CABLES1: variants seen among roughly 807,000 people sequenced by gnomAD.
CABLES1 encodes CDK5 and ABL1 enzyme substrate 1.
Under a neutral mutation model 57.8 loss-of-function variants are expected in CABLES1, and 36 were observed. The ratio of observed to expected loss-of-function variants is 0.62; its 90% confidence interval spans 0.48 to 0.82. CABLES1 has a LOEUF of 0.82. Ranked by LOEUF, CABLES1 falls within the 40% of genes least tolerant of loss-of-function variation. The probability of loss-of-function intolerance (pLI) is 0.00; values close to 1 mark genes in which losing one functional copy is unlikely to be tolerated. For synonymous variants in CABLES1, 374 were observed against 363.0 expected (o/e 1.03, Z -0.35); for missense variants, 767 against 836.6 (o/e 0.92, Z 1.03).
In CABLES1 at chr18:23,252,949, G is replaced by C; in HGVS notation, c.1447-11G>C. On this transcript the variant is annotated splice_polypyrimidine_tract_variant and intron_variant, in intron 7 of 9. Coordinates refer to ENST00000256925, the MANE Select transcript of CABLES1 (RefSeq NM_001100619.3). ...TTTAAGGAGTGATCCGTGTTCCCCT[G>C]TCTGTTACAGACAACAGTGATTGAC... 2 of 1,574,368 alleles carry C rather than the reference G, an allele frequency of 1.3e-6. No homozygotes were observed. Among genetic ancestry groups the C allele is most frequent in the South Asian group, 1.1e-5 (1 of 90,210 alleles).
intron 7 of CABLES1, among the ~76,000 whole-genome samples, chr18:23,239,326 T>C (rs954692886): frequency 9.2e-5 from 14 of 152,248 alleles, no homozygotes; most frequent in African/African-American, 3.4e-4. Flanking sequence ...GAGAATGGAA[T>C]TGCGCATGGA....
intron 3 of CABLES1, among the ~76,000 whole-genome samples, chr18:23,208,837 A>AGTGGTG (rs1183566759): frequency 3.9e-5 from 6 of 152,230 alleles, no homozygotes; most frequent in Non-Finnish European, 2.9e-5. Flanking sequence ...TCCAGCTTCC[A>AGTGGTG]GTGGTGCTGG....
intron 4 of CABLES1, among the ~76,000 whole-genome samples, chr18:23,231,002 T>G (rs574120687): frequency 1.2e-3 from 182 of 151,292 alleles, no homozygotes; most frequent in Non-Finnish European, 2.1e-3. Context: ...AAGGCATGGG[T>G]CCCATTTGAT....
rs141394132 is a variant in CABLES1, at chr18:23,235,751, C to A, written c.1186-144C>A. On this transcript the variant is annotated intron_variant, in intron 5 of 9. Coordinates refer to ENST00000256925, the MANE Select transcript of CABLES1 (RefSeq NM_001100619.3). ...CACCAATGAGTACCAAAACAAATTT[C>A]ATTTTTCAGATCTCATTGAATTTCA... The A allele has an allele frequency of 8.7e-3, 7,677 of 884,754 alleles. 55 individuals carry two copies. Among genetic ancestry groups the A allele is most frequent in the African/African-American group, 0.024 (1,446 of 59,766 alleles). The allele number at this position is 884,754 out of a possible 1,614,324, so 54.8% of individuals were successfully genotyped here. A position where few individuals can be genotyped will look rare whatever the true frequency, so the allele number is the denominator to read the frequency against.
chr18:23,154,135 T>G (rs2046950615), intron 1 of CABLES1, among the ~76,000 whole-genome samples: 1 of 152,228 alleles, frequency 6.6e-6, no homozygotes. Context: ...ATCATTAGCT[T>G]TTTCAAACAA....
chr18:23,144,760 C>G (rs2046880570), intron 1 of CABLES1, among the ~76,000 whole-genome samples: 1 of 152,148 alleles, frequency 6.6e-6, no homozygotes, highest in Non-Finnish European at 1.5e-5. Flanking sequence ...CTCCTACCCA[C>G]TTATTGGAGA....
At chr18:23,171,280 C>T (rs909419589) in intron 1 of CABLES1, among the ~76,000 whole-genome samples, 3 of 152,196 alleles carry the variant, frequency 2.0e-5, no homozygotes, top group Admixed American at 1.3e-4. Context: ...TGTCTCCTCA[C>T]CGGATTGTTC....
intron 1 of CABLES1, among the ~76,000 whole-genome samples, chr18:23,185,932 C>T (rs1024538055): frequency 2.0e-5 from 3 of 152,152 alleles, no homozygotes; most frequent in African/African-American, 7.2e-5. Context: ...ATCTTTTCAT[C>T]ACTGCCTTCT....
intron 2 of CABLES1, among the ~76,000 whole-genome samples, chr18:23,192,898 C>T (rs919893093): frequency 2.0e-5 from 3 of 152,116 alleles, no homozygotes; most frequent in African/African-American, 7.2e-5. Flanking sequence ...CCAATTAAAT[C>T]TGGGTTTAGT....
chr18:23,210,539 C>G (rs2145048684), intron 3 of CABLES1, among the ~76,000 whole-genome samples: 1 of 152,290 alleles, frequency 6.6e-6, no homozygotes, highest in East Asian at 1.9e-4. Context: ...GGACATTTCC[C>G]TAATGTTTAT....
intron 4 of CABLES1, among the ~76,000 whole-genome samples, chr18:23,228,651 C>T (rs2047544776): frequency 1.3e-5 from 2 of 149,950 alleles, no homozygotes; most frequent in Admixed American, 6.7e-5. Flanking sequence ...CTGTTTTAAT[C>T]CCCACCCCCA....
chr18:23,136,318 G>A lies in CABLES1; in HGVS notation c.556G>A (p.Ala186Thr). ...SGEQWQPPRP[A>T]PLAACAQLQL... is the part of the protein sequence containing the mutation. ...GGAGCAGTGGCAGCCGCCCCGGCCGGCGCCTCTCGCCGCCTGTGCCCAACT... is the reference window on the plus strand; with the variant it reads ...GGAGCAGTGGCAGCCGCCCCGGCCGACGCCTCTCGCCGCCTGTGCCCAACT... The change falls in exon 1 of 10, where the codon GCG becomes ACG. Residue 186 changes from alanine to threonine, a missense_variant. By Grantham distance (58) the Ala-to-Thr change is moderately conservative. Around this residue, in one of 4 missense-constraint regions of CABLES1, gnomAD observed 529 missense variants for 622.8 expected, o/e 0.85. Transcript: ENST00000256925. 1 of 1,405,340 alleles carries A rather than the reference G, an allele frequency of 7.1e-7. No individual in the cohort carries two copies. The highest frequency in any genetic ancestry group is 9.2e-7 in the Non-Finnish European group (1 of 1,085,378). The allele number at this position is 1,405,340 out of a possible 1,614,324, so 87.1% of individuals were successfully genotyped here.
intron 1 of CABLES1, among the ~76,000 whole-genome samples, chr18:23,157,064 C>T (rs2046970624): frequency 6.6e-6 from 1 of 152,008 alleles, no homozygotes; most frequent in Admixed American, 6.6e-5. Flanking sequence ...ATGAAAGTGC[C>T]ATGAGTGTCC....
intron 1 of CABLES1, among the ~76,000 whole-genome samples, chr18:23,143,519 C>T (rs1056597988): frequency 2.0e-5 from 3 of 152,174 alleles, no homozygotes; most frequent in African/African-American, 7.2e-5. Flanking sequence ...CCCCAACTGC[C>T]CCTCTGGCTG....
At chr18:23,193,143 A>G (rs1403937292) in intron 2 of CABLES1, among the ~76,000 whole-genome samples, 5 of 151,700 alleles carry the variant, frequency 3.3e-5, no homozygotes, top group Non-Finnish European at 5.9e-5. Context: ...CACAGGAAGC[A>G]TCTACTAAAT....
intron 3 of CABLES1, among the ~76,000 whole-genome samples, chr18:23,202,804 G>C (rs1168967911): frequency 6.6e-6 from 1 of 152,116 alleles, no homozygotes; most frequent in African/African-American, 2.4e-5. Context: ...GGCTAACACA[G>C]TGAAACCCCA....
chr18:23,189,719 G>A (rs975211815), intron 2 of CABLES1, among the ~76,000 whole-genome samples: 3 of 152,230 alleles, frequency 2.0e-5, no homozygotes, highest in South Asian at 2.1e-4. Flanking sequence ...TGCACCGTGC[G>A]TGCCTTGGCC....
At chr18:23,206,332 T>G (rs910407468) in intron 3 of CABLES1, among the ~76,000 whole-genome samples, 2 of 152,212 alleles carry the variant, frequency 1.3e-5, no homozygotes, top group African/African-American at 4.8e-5. Context: ...GGACTCATGC[T>G]TCTCCCCCAT....
intron 3 of CABLES1, among the ~76,000 whole-genome samples, chr18:23,199,032 T>C (rs950477451): frequency 6.6e-6 from 1 of 152,194 alleles, no homozygotes; most frequent in Admixed American, 6.5e-5. Context: ...TGAAAATCCA[T>C]ATGCAGTAAG....
Sources: allele counts gnomAD v4.1 joint callset (sites outside exome capture counted in the v4.1 genomes callset), GRCh38; gene constraint gnomAD v4.1.1; regional missense constraint gnomAD v4.1.1; transcripts MANE v1.5; gene names NCBI Gene and HGNC (gene_info 2026-07-23, HGNC 2026-07-21).